The following XYLB variants were observed in gnomAD, a reference collection of about 807,000 sequenced individuals.
The protein encoded by XYLB is xylulose kinase.
XYLB carries 62 observed loss-of-function variants against 78.7 expected under a neutral mutation model. The ratio of observed to expected loss-of-function variants is 0.79; its 90% CI spans 0.64 to 0.97. The LOEUF (loss-of-function observed/expected upper bound fraction) is 0.97, where lower values mean the gene tolerates loss of function less well. XYLB is among the 50% of genes least tolerant of loss of function. The pLI is 0.00. For missense variants in XYLB, 687 were observed against 676.8 expected (o/e 1.02, Z -0.17); for synonymous variants, 245 against 247.4 (o/e 0.99, Z 0.09).
intron 11 of XYLB, 73 bp downstream of exon 11, chr3:38,374,575 G>T: frequency 5.0e-6 from 8 of 1,600,768 alleles, no homozygotes; most frequent in Non-Finnish European, 6.8e-6. Flanking sequence ...AAGTAGCAGA[G>T]GTGCTGCTGA....
chr3:38,354,612 C>T (rs887882798), intron 2 of XYLB, among the ~76,000 whole-genome samples: 1 of 151,962 alleles, frequency 6.6e-6, no homozygotes, highest in Middle Eastern at 3.4e-3. Context: ...AAGCAATTCT[C>T]CTGTCTCAGC....
intron 2 of XYLB, among the ~76,000 whole-genome samples, chr3:38,358,503 C>T (rs1404560265): frequency 1.3e-5 from 2 of 151,700 alleles, no homozygotes; most frequent in African/African-American, 2.4e-5. Flanking sequence ...CTCCACCATG[C>T]CTGGCTAATT....
intron 8 of XYLB, 142 bp from the exon 9 acceptor site, chr3:38,369,914 A>G: frequency 5.4e-6 from 4 of 747,086 alleles, no homozygotes; most frequent in Non-Finnish European, 7.0e-6. Flanking sequence ...CTAGAACAAC[A>G]CAAGCATATA....
chr3:38,413,070 G>GGC lies in XYLB; in HGVS notation c.*58_*59dup. 1.3e-6 allele frequency: 2 copies of GGC among 1,503,038 alleles called. No homozygotes were observed. Among genetic ancestry groups the GGC allele is most frequent in the Non-Finnish European group, 1.8e-6 (2 of 1,114,072 alleles). 93.1% of individuals were successfully genotyped at this position (1,503,038 alleles called of 1,614,324 possible). A position where few individuals can be genotyped will look rare whatever the true frequency, so the allele number is the denominator to read the frequency against. The stretch of plus-strand genomic sequence containing the variant: ...ATTTACTGACCCCATTTGTCGACAT[G>GGC]GCCCCAGACAGGAGGGATCCACTTC... On this transcript the variant is annotated 3_prime_UTR_variant, in exon 19 of 19. Transcript: ENST00000207870.
At chr3:38,417,447 A>G (rs1171645684), downstream of XYLB, among the ~76,000 whole-genome samples, 1 of 152,076 alleles carries the variant, frequency 6.6e-6, no homozygotes, top group Admixed American at 6.6e-5. Context: ...CATAGAGTAG[A>G]CTCCAATCAG....
rs527820497 is a variant in XYLB, at chr3:38,360,482, G to T, written c.210+74G>T. 20 of 1,379,200 alleles carry T rather than the reference G, an allele frequency of 1.5e-5. No individual in the cohort carries two copies. The African/African-American group carries it at 2.3e-4, about 16-fold the overall frequency. The allele number at this position is 1,379,200 out of a possible 1,614,324, so 85.4% of individuals were successfully genotyped here. A position where few individuals can be genotyped will look rare whatever the true frequency, so the allele number is the denominator to read the frequency against. ...GGCAGACTCGGTGATTTGCTAGGAA[G>T]TCCAAAGGTGGCAGCCAATGAGAGC... On this transcript the variant is annotated intron_variant, in intron 3 of 18. Coordinates refer to ENST00000207870, the MANE Select transcript of XYLB (RefSeq NM_005108.4).
chr3:38,418,755 T>C (rs565678660), downstream of XYLB, among the ~76,000 whole-genome samples: 11 of 152,282 alleles, frequency 7.2e-5, no homozygotes, highest in Middle Eastern at 3.4e-3. Flanking sequence ...AATTATTTGA[T>C]ATTTCAAAAA....
rs549268566 is a variant in XYLB, at chr3:38,347,594, T to G, written c.57+669T>G. On this transcript the variant is annotated intron_variant, in intron 1 of 18. Transcript: ENST00000207870. ...TTTCTGGAGGCTGAAGCGGATCGCT[T>G]GAGCCCAGGAGGTGGAGATTGCAGT... Among the ~76,000 whole-genome samples the G allele has an allele frequency of 2.6e-5, 4 of 152,098 alleles. No homozygotes were observed. The South Asian group carries it at 8.3e-4, about 32-fold the overall frequency.
At position 38,370,125 on chromosome 3, in the gene XYLB, C is replaced by T; in HGVS notation, c.716C>T (p.Pro239Leu). Residue 239 changes from proline to leucine, a missense_variant, in exon 9 of 19, where the codon CCT (proline) becomes CTT (leucine). Pro to Leu is a moderately conservative substitution (Grantham distance 98). Transcript: ENST00000207870. Reference sequence around the variant, plus strand: ...CAGGCTTGCCTTGGTGCCTGTGCACCTCATTTAGAGGAGAAGCTTAGCCCA... The same window carrying T: ...CAGGCTTGCCTTGGTGCCTGTGCACTTCATTTAGAGGAGAAGCTTAGCCCA... Reference protein sequence around the residue: ...WSQACLGACAPHLEEKLSPPV... With the variant: ...WSQACLGACALHLEEKLSPPV... 6.2e-7 allele frequency: 1 copy of T among 1,614,092 alleles called. No individual in the cohort carries two copies. The highest frequency in any genetic ancestry group is 8.5e-7 in the Non-Finnish European group (1 of 1,180,004).
At chr3:38,353,909 C>T (rs1323104821) in intron 2 of XYLB, among the ~76,000 whole-genome samples, 4 of 145,850 alleles carry the variant, frequency 2.7e-5, no homozygotes, top group Non-Finnish European at 6.0e-5. Context: ...AAAAGAAGTC[C>T]ATCTTTACCT....
At chr3:38,410,132 T>G (rs550000428) in intron 18 of XYLB, among the ~76,000 whole-genome samples, 53 of 152,290 alleles carry the variant, frequency 3.5e-4, no homozygotes, top group African/African-American at 1.2e-3. Flanking sequence ...GACTTCAAAC[T>G]ATACTACAAG....
chr3:38,423,888 T>C (rs886537512), downstream of XYLB, among the ~76,000 whole-genome samples: 1 of 152,188 alleles, frequency 6.6e-6, no homozygotes, highest in Admixed American at 6.5e-5. Context: ...TTGGGGACCT[T>C]AGTAAATGAC....
chr3:38,440,997 CTT>C, the XYLB span, among the ~76,000 whole-genome samples: 1 of 151,860 alleles, frequency 6.6e-6, no homozygotes, highest in African/African-American at 2.4e-5. Flanking sequence ...CTCTCTCTCT[CTT>C]TCCTCTTTCT....
At position 38,400,941 on chromosome 3, in the gene XYLB, C is replaced by G; in HGVS notation, c.1489C>G (p.Pro497Ala). The change falls in exon 18 of 19, where the codon CCA (proline) becomes GCA (alanine). Residue 497 changes from proline to alanine, a missense_variant. Physicochemically the swap from Pro to Ala is conservative, Grantham distance 27. Transcript: ENST00000207870. ...VPFSEVVKLA[P>A]NPRLAATPSP... ...CTTTTCAGAGGTTGTGAAGTTAGCT[C>G]CAAATCCCAGACTAGCTGCTACCCC... 1 of 1,614,166 alleles carries G rather than the reference C, an allele frequency of 6.2e-7. No homozygotes were observed. The highest frequency in any genetic ancestry group is 8.5e-7 in the Non-Finnish European group (1 of 1,180,040).
downstream of XYLB, among the ~76,000 whole-genome samples, chr3:38,422,058 ATACT>A (rs1708996090): frequency 6.6e-6 from 1 of 152,224 alleles, no homozygotes; most frequent in South Asian, 2.1e-4. Flanking sequence ...TCCTTTTAAA[ATACT>A]TAAAGAATTT....
At chr3:38,357,633 G>A (rs957958993) in intron 2 of XYLB, among the ~76,000 whole-genome samples, 2 of 152,120 alleles carry the variant, frequency 1.3e-5, no homozygotes, top group African/African-American at 4.8e-5. Flanking sequence ...TGATCCGCCC[G>A]CCTCGGCCTC....
chr3:38,436,978 T>C, the XYLB span, among the ~76,000 whole-genome samples: 4 of 149,536 alleles, frequency 2.7e-5, no homozygotes, highest in East Asian at 7.8e-4. Context: ...CACTCCAGCC[T>C]GGGCGACAGA....
chr3:38,365,103 A>G, intron 4 of XYLB, 96 bp from the exon 5 acceptor site: 1 of 1,103,454 alleles, frequency 9.1e-7, no homozygotes, highest in South Asian at 1.3e-5. Context: ...TGTGGAGCCC[A>G]GTTCTTTGGC....
At chr3:38,424,663 G>A (rs114224414), downstream of XYLB, among the ~76,000 whole-genome samples, 3,840 of 152,288 alleles carry the variant, frequency 0.025, 171 homozygotes, top group African/African-American at 0.086. Context: ...AGTTGTAATT[G>A]AGGTGCTGAC....
Sources: gnomAD v4.1 joint callset for allele counts (sites outside exome capture counted in the v4.1 genomes callset) on GRCh38, gnomAD v4.1.1 for gene constraint, MANE v1.5 for transcripts, NCBI Gene and HGNC (gene_info 2026-07-23, HGNC 2026-07-21) for gene names.